PEX14: variants seen among roughly 807,000 people sequenced by gnomAD.
PEX14 encodes the protein peroxisomal biogenesis factor 14, also known as peroxisomal membrane protein PEX14.
Under a neutral mutation model 49.5 loss-of-function variants are expected in PEX14, and 15 were observed. That is an observed-to-expected ratio of 0.30 (90% CI 0.20 to 0.47). The LOEUF (loss-of-function observed/expected upper bound fraction) is 0.47, where lower values mean the gene tolerates loss of function less well. PEX14 is among the 20% of genes least tolerant of loss of function. The pLI is 1.00. For missense variants in PEX14, 398 were observed against 494.8 expected (o/e 0.80, Z 1.86); for synonymous variants, 210 against 212.7 (o/e 0.99, Z 0.11).
At chr1:10,591,325 G>C (rs973133334) in intron 3 of PEX14, among the ~76,000 whole-genome samples, 2 of 151,998 alleles carry the variant, frequency 1.3e-5, no homozygotes, top group African/African-American at 4.8e-5. Context: ...TAGAAATTGT[G>C]GGTGTCTTTC....
At chr1:10,479,233 C>T (rs1037295962) in intron 1 of PEX14, among the ~76,000 whole-genome samples, 1 of 151,894 alleles carries the variant, frequency 6.6e-6, no homozygotes, top group African/African-American at 2.4e-5. Flanking sequence ...AAAAATTAGC[C>T]AGGCATGGTA....
chr1:10,620,849 G>T (rs992210509), intron 5 of PEX14, among the ~76,000 whole-genome samples: 1 of 152,204 alleles, frequency 6.6e-6, no homozygotes, highest in Admixed American at 6.5e-5. Context: ...CTTGGGACCC[G>T]GTTCTTCTCC....
chr1:10,507,306 A>C (rs968090870), intron 2 of PEX14, among the ~76,000 whole-genome samples: 3 of 152,248 alleles, frequency 2.0e-5, no homozygotes, highest in African/African-American at 7.2e-5. Context: ...CAGGCACACT[A>C]GCGTGCGTGC....
intron 4 of PEX14, among the ~76,000 whole-genome samples, chr1:10,609,112 G>T (rs1003839643): frequency 6.6e-6 from 1 of 152,184 alleles, no homozygotes; most frequent in South Asian, 2.1e-4. Context: ...TTTTATCATG[G>T]AATAGTATTC....
chr1:10,545,660 A>G (rs1639146551), intron 3 of PEX14, among the ~76,000 whole-genome samples: 2 of 152,254 alleles, frequency 1.3e-5, no homozygotes, highest in South Asian at 4.1e-4. Flanking sequence ...GTGGTCCTGC[A>G]TAAAATACTT....
At chr1:10,504,499 C>T (rs1244436284) in intron 2 of PEX14, among the ~76,000 whole-genome samples, 1 of 152,174 alleles carries the variant, frequency 6.6e-6, no homozygotes, top group Non-Finnish European at 1.5e-5. Context: ...ACCCTGGGGG[C>T]ACAGCTCTCC....
intron 1 of PEX14, among the ~76,000 whole-genome samples, chr1:10,479,126 T>C (rs1191609148): frequency 1.3e-5 from 2 of 151,936 alleles, no homozygotes; most frequent in African/African-American, 4.8e-5. Flanking sequence ...CCTGTAATCT[T>C]AGCACTTTGG....
At chr1:10,595,520 A>G (rs1381707358) in intron 3 of PEX14, among the ~76,000 whole-genome samples, 2 of 152,222 alleles carry the variant, frequency 1.3e-5, no homozygotes, top group Non-Finnish European at 2.9e-5. Flanking sequence ...AGTTATAGGA[A>G]GAACATAAAG....
chr1:10,503,043 C>T (rs1478565216), intron 2 of PEX14, among the ~76,000 whole-genome samples: 1 of 151,230 alleles, frequency 6.6e-6, no homozygotes, highest in Non-Finnish European at 1.5e-5. Flanking sequence ...TCAAGCGATC[C>T]CCCCGCCTCA....
At chr1:10,618,204 C>T (rs1040095534) in intron 4 of PEX14, 128 bp from the exon 5 acceptor site, 6 of 710,222 alleles carry the variant, frequency 8.4e-6, no homozygotes, top group Admixed American at 2.0e-5. Flanking sequence ...TGCCTTCCTG[C>T]GTTGGAGTGT....
chr1:10,477,394 C>G (rs1641214911), intron 1 of PEX14, among the ~76,000 whole-genome samples: 1 of 152,174 alleles, frequency 6.6e-6, no homozygotes, highest in Non-Finnish European at 1.5e-5. Flanking sequence ...TCATAACAGA[C>G]TCTATGGCTA....
intron 3 of PEX14, among the ~76,000 whole-genome samples, chr1:10,555,400 A>T (rs1639456821): frequency 6.6e-6 from 1 of 152,088 alleles, no homozygotes; most frequent in Non-Finnish European, 1.5e-5. Flanking sequence ...GACGGAGGAA[A>T]ACATGCTAAA....
At chr1:10,477,118 T>G (rs1641209122) in intron 1 of PEX14, among the ~76,000 whole-genome samples, 1 of 151,858 alleles carries the variant, frequency 6.6e-6, no homozygotes. Context: ...TCACCCAGGC[T>G]GGAGTGCAGT....
intron 1 of PEX14, among the ~76,000 whole-genome samples, chr1:10,489,948 A>G (rs1641441977): frequency 6.6e-6 from 1 of 152,158 alleles, no homozygotes; most frequent in Admixed American, 6.5e-5. Flanking sequence ...TTAGTTTTCT[A>G]GTTGTTTACA....
intron 1 of PEX14, among the ~76,000 whole-genome samples, chr1:10,491,806 G>T (rs1388755943): frequency 1.3e-5 from 2 of 148,932 alleles, no homozygotes; most frequent in Non-Finnish European, 3.0e-5. Context: ...TCTGCCTCCC[G>T]AGTAGCTGGG....
At chr1:10,615,395 G>T (rs551172996) in intron 4 of PEX14, among the ~76,000 whole-genome samples, 13 of 152,302 alleles carry the variant, frequency 8.5e-5, no homozygotes, top group Admixed American at 7.8e-4. Flanking sequence ...AGGAAATGCT[G>T]ATGAAAACAT....
intron 3 of PEX14, among the ~76,000 whole-genome samples, chr1:10,576,716 C>T (rs1401193717): frequency 6.6e-6 from 1 of 150,838 alleles, no homozygotes; most frequent in Non-Finnish European, 1.5e-5. Context: ...TTTTATTGAC[C>T]TATACATTCT....
intron 1 of PEX14, among the ~76,000 whole-genome samples, chr1:10,481,041 GCACT>G (rs1252814737): frequency 6.6e-6 from 1 of 150,464 alleles, no homozygotes; most frequent in African/African-American, 2.4e-5. Flanking sequence ...AACAGAATCT[GCACT>G]CAAATTTTCA....
At chr1:10,543,389 C>A (rs1399320537) in intron 3 of PEX14, among the ~76,000 whole-genome samples, 3 of 152,158 alleles carry the variant, frequency 2.0e-5, no homozygotes, top group Non-Finnish European at 4.4e-5. Flanking sequence ...CTGTCTCGGC[C>A]TCTCAAAGTG....
Sources: gnomAD v4.1 joint callset for allele counts (sites outside exome capture counted in the v4.1 genomes callset) on GRCh38, gnomAD v4.1.1 for gene constraint, MANE v1.5 for transcripts, NCBI Gene and HGNC (gene_info 2026-07-23, HGNC 2026-07-21) for gene names.